PTN: variants seen among roughly 807,000 people sequenced by gnomAD.
PTN encodes pleiotrophin, also known as heparin affin regulatory protein.
Under a neutral mutation model 24.1 loss-of-function variants are expected in PTN, and 18 were observed. That is an observed-to-expected ratio of 0.75 (90% CI 0.52 to 1.11). The LOEUF (loss-of-function observed/expected upper bound fraction) is 1.11, where lower values mean the gene tolerates loss of function less well. Among genes scored for constraint, PTN ranks in the 50% least tolerant of loss-of-function variants. The probability of loss-of-function intolerance (pLI) is 0.00; values close to 1 mark genes in which losing one functional copy is unlikely to be tolerated. For missense variants in PTN, 163 were observed against 198.8 expected (o/e 0.82, Z 1.08); for synonymous variants, 78 against 68.6 (o/e 1.14, Z -0.67).
At chr7:137,289,935 A>G (rs1809613700) in intron 1 of PTN, among the ~76,000 whole-genome samples, 1 of 152,152 alleles carries the variant, frequency 6.6e-6, no homozygotes, top group Admixed American at 6.5e-5. Context: ...CATTTATAGT[A>G]ATTTGTTATA....
At chr7:137,291,920 G>A (rs1031857604) in intron 1 of PTN, among the ~76,000 whole-genome samples, 5 of 152,200 alleles carry the variant, frequency 3.3e-5, no homozygotes, top group Middle Eastern at 3.4e-3. Flanking sequence ...ACTTGGCTAG[G>A]GTTTCAACCA....
At chr7:137,341,629 A>T (rs970541045) in intron 1 of PTN, among the ~76,000 whole-genome samples, 1 of 152,100 alleles carries the variant, frequency 6.6e-6, no homozygotes, top group Non-Finnish European at 1.5e-5. Context: ...AACATAATGC[A>T]TTTGCATCCA....
rs548374882 is a variant in PTN, at chr7:137,292,502, C to T, written c.-1-37528G>A. Among the ~76,000 whole-genome samples the T allele has an allele frequency of 5.9e-5, 9 of 152,238 alleles. No individual in the cohort carries two copies. The South Asian group carries it at 1.9e-3, about 32-fold the overall frequency. On this transcript the variant is annotated intron_variant, in intron 1 of 4. Transcript: ENST00000348225. ...CCCTCTTGCCTGCCACCATGTAAGACGTCCCTTTGCTCTTCCTTCGTCTTC... is the reference window on the plus strand; with the variant it reads ...CCCTCTTGCCTGCCACCATGTAAGATGTCCCTTTGCTCTTCCTTCGTCTTC...
At chr7:137,258,355 G>A (rs1808972447) in intron 1 of PTN, among the ~76,000 whole-genome samples, 1 of 152,088 alleles carries the variant, frequency 6.6e-6, no homozygotes, top group African/African-American at 2.4e-5. Context: ...AGTAAATGGT[G>A]GATTTCAGCA....
chr7:137,258,133 T>C (rs1195613822), intron 1 of PTN, among the ~76,000 whole-genome samples: 6 of 152,094 alleles, frequency 3.9e-5, no homozygotes, highest in Admixed American at 3.9e-4. Context: ...TTCACTGATT[T>C]CAAGGAAAAA....
intron 1 of PTN, among the ~76,000 whole-genome samples, chr7:137,267,040 G>C (rs1809164165): frequency 6.6e-6 from 1 of 151,906 alleles, no homozygotes; most frequent in Non-Finnish European, 1.5e-5. Flanking sequence ...AGTGTTACAG[G>C]GTTACTGAGA....
chr7:137,266,884 T>C (rs115161472), intron 1 of PTN, among the ~76,000 whole-genome samples: 25,209 of 147,564 alleles, frequency 0.17, 2,976 homozygotes, highest in African/African-American at 0.37. Context: ...TTTTTTTTTT[T>C]TTTTTTCCTG....
chr7:137,311,042 G>T (rs1809973102), intron 1 of PTN, among the ~76,000 whole-genome samples: 1 of 151,904 alleles, frequency 6.6e-6, no homozygotes, highest in South Asian at 2.1e-4. Flanking sequence ...AACCAAACTG[G>T]TCAACATGGC....
At chr7:137,324,082 C>T (rs1245592404) in intron 1 of PTN, among the ~76,000 whole-genome samples, 1 of 152,050 alleles carries the variant, frequency 6.6e-6, no homozygotes, top group Non-Finnish European at 1.5e-5. Context: ...TGGTCTAGAA[C>T]ATAGAATCTA....
chr7:137,329,150 G>A (rs1030531936), intron 1 of PTN, among the ~76,000 whole-genome samples: 3 of 152,162 alleles, frequency 2.0e-5, no homozygotes, highest in African/African-American at 7.2e-5. Context: ...GCTGTTGGGA[G>A]CATTTAACCC....
intron 1 of PTN, among the ~76,000 whole-genome samples, chr7:137,288,710 A>G (rs1479099354): frequency 2.0e-5 from 3 of 152,218 alleles, no homozygotes; most frequent in Non-Finnish European, 4.4e-5. Flanking sequence ...TTTGGGGGGA[A>G]GAAACCTTTT....
intron 1 of PTN, among the ~76,000 whole-genome samples, chr7:137,305,803 C>T (rs939094338): frequency 6.6e-6 from 1 of 152,050 alleles, no homozygotes; most frequent in Non-Finnish European, 1.5e-5. Flanking sequence ...AGAGTTACCA[C>T]GACCTGGAGC....
intron 1 of PTN, among the ~76,000 whole-genome samples, chr7:137,290,090 C>T (rs1484016193): frequency 6.6e-6 from 1 of 152,110 alleles, no homozygotes. Context: ...AGGAGCAAGT[C>T]ACGTCTTACA....
At chr7:137,319,402 T>C (rs1311834925) in intron 1 of PTN, among the ~76,000 whole-genome samples, 1 of 152,218 alleles carries the variant, frequency 6.6e-6, no homozygotes, top group Non-Finnish European at 1.5e-5. Context: ...AAAGCGGGCA[T>C]GACTTTAATA....
intron 1 of PTN, among the ~76,000 whole-genome samples, chr7:137,340,932 A>G (rs1810524044): frequency 6.6e-6 from 1 of 152,178 alleles, no homozygotes; most frequent in Non-Finnish European, 1.5e-5. Context: ...GCCATATTAA[A>G]AAGCATAATT....
At chr7:137,264,417 G>A (rs747831810) in intron 1 of PTN, among the ~76,000 whole-genome samples, 4 of 152,266 alleles carry the variant, frequency 2.6e-5, no homozygotes, top group South Asian at 2.1e-4. Flanking sequence ...AATGAGTCCC[G>A]CGATGAGTTT....
At chr7:137,331,357 T>C (rs1810355324) in intron 1 of PTN, among the ~76,000 whole-genome samples, 2 of 152,206 alleles carry the variant, frequency 1.3e-5, no homozygotes, top group Non-Finnish European at 2.9e-5. Context: ...AGGCAAACTG[T>C]AATTCCCTAA....
rs1223012931 is a variant in PTN at position 137,290,830 on chromosome 7, T to A, written c.-1-35856A>T. 2.0e-5 allele frequency among the ~76,000 whole-genome samples: 3 copies of A among 152,088 alleles called. No homozygotes were observed. In the East Asian group the frequency reaches 5.8e-4, roughly 29 times the overall value. On this transcript the variant is annotated intron_variant, in intron 1 of 4. Transcript: ENST00000348225. ...CAAAACATGGGGTTATGTTCCCCTT[T>A]CCTATTCTCTTCCAATTAAAAAAAA... is the stretch of plus-strand genomic sequence containing the variant.
At chr7:137,323,280 G>A (rs1023843890) in intron 1 of PTN, among the ~76,000 whole-genome samples, 39 of 152,168 alleles carry the variant, frequency 2.6e-4, no homozygotes, top group African/African-American at 8.9e-4. Flanking sequence ...TCACCAACTA[G>A]AAAGCAAATT....
Sources: allele counts gnomAD v4.1 joint callset (sites outside exome capture counted in the v4.1 genomes callset), GRCh38; gene constraint gnomAD v4.1.1; transcripts MANE v1.5; gene names NCBI Gene and HGNC (gene_info 2026-07-23, HGNC 2026-07-21).